Variants in KIF5C observed in about 807,000 individuals in gnomAD.
The protein encoded by KIF5C is kinesin family member 5C.
Under a neutral mutation model 125.2 loss-of-function variants are expected in KIF5C, and 18 were observed. That is an observed-to-expected ratio of 0.14 (90% CI 0.10 to 0.21). The LOEUF is 0.21. Ranked by LOEUF, KIF5C falls within the 10% of genes least tolerant of loss-of-function variation. The pLI is 1.00. For missense variants in KIF5C, 780 were observed against 1,183.8 expected, an observed-to-expected ratio of 0.66 and a Z score of 5.01; for synonymous variants, 405 against 434.0, an observed-to-expected ratio of 0.93 and a Z score of 0.83.
chr2:148,984,681 C>G (rs1044904297), intron 15 of KIF5C, among the ~76,000 whole-genome samples: 1 of 152,168 alleles, frequency 6.6e-6, no homozygotes, highest in Admixed American at 6.5e-5. Flanking sequence ...CATGACCACT[C>G]CACATTTCTG....
chr2:148,943,865 C>A (rs1294148606), intron 7 of KIF5C, among the ~76,000 whole-genome samples: 1 of 152,188 alleles, frequency 6.6e-6, no homozygotes, highest in East Asian at 1.9e-4. Context: ...AGATGATATT[C>A]ATGTATATAG....
intron 10 of KIF5C, among the ~76,000 whole-genome samples, chr2:148,958,636 C>T (rs1335552156): frequency 2.6e-5 from 4 of 152,072 alleles, no homozygotes; most frequent in Non-Finnish European, 2.9e-5. Flanking sequence ...CTAATGAAGA[C>T]AAGTTTTTAA....
chr2:149,016,935 G>A (rs781278185), intron 25 of KIF5C, among the ~76,000 whole-genome samples: 17 of 152,146 alleles, frequency 1.1e-4, no homozygotes, highest in Admixed American at 5.9e-4. Flanking sequence ...AGGGGCCTGA[G>A]GATCATGTGG....
At chr2:149,018,074 A>T (rs1274761155) in intron 25 of KIF5C, among the ~76,000 whole-genome samples, 2 of 152,138 alleles carry the variant, frequency 1.3e-5, no homozygotes, top group Non-Finnish European at 2.9e-5. Context: ...GGATGGCTTG[A>T]GCTCAGGAGT....
At chr2:148,966,119 A>G (rs1683043283) in intron 11 of KIF5C, among the ~76,000 whole-genome samples, 1 of 152,156 alleles carries the variant, frequency 6.6e-6, no homozygotes, top group East Asian at 1.9e-4. Context: ...TGACACGCAC[A>G]TTGGTTCTAA....
intron 1 of KIF5C, among the ~76,000 whole-genome samples, chr2:148,916,637 CT>C (rs78047469): frequency 0.031 from 4,608 of 146,986 alleles, 95 homozygotes; most frequent in Middle Eastern, 0.051. Context: ...TGGTCACCAA[CT>C]TTTTTTTTTT....
At chr2:148,890,467 C>T (rs763378663) in intron 1 of KIF5C, among the ~76,000 whole-genome samples, 37 of 151,978 alleles carry the variant, frequency 2.4e-4, no homozygotes, top group Non-Finnish European at 2.6e-4. Flanking sequence ...CACCACTGCA[C>T]TCCAGCCTGG....
intron 18 of KIF5C, 83 bp from the exon 19 acceptor site, chr2:148,998,317 G>A (rs898794204): frequency 3.9e-6 from 6 of 1,536,350 alleles, no homozygotes; most frequent in Non-Finnish European, 5.3e-6. Context: ...CAGGGAAGGA[G>A]GTAGGTCCAG....
chr2:148,927,486 GT>G (rs1682048781), intron 2 of KIF5C, among the ~76,000 whole-genome samples: 2 of 53,552 alleles, frequency 3.7e-5, no homozygotes, highest in South Asian at 3.9e-4. Flanking sequence ...CCCTTTCAGG[GT>G]GTGTGTGTGT....
At chr2:148,957,091 T>G (rs1222298570) in intron 10 of KIF5C, among the ~76,000 whole-genome samples, 1 of 152,246 alleles carries the variant, frequency 6.6e-6, no homozygotes, top group South Asian at 2.1e-4. Flanking sequence ...AAACCTGCCT[T>G]AAGAGCACTT....
In KIF5C at chr2:148,892,788, A is replaced by G. The variant is rs72866020; in HGVS notation, c.126+17045A>G. Among the ~76,000 whole-genome samples the G allele has an allele frequency of 1.9e-3, 293 of 152,342 alleles. 1 individual carries two copies. Among genetic ancestry groups the G allele is most frequent in the Non-Finnish European group, 2.6e-3 (180 of 68,030 alleles). The stretch of plus-strand genomic sequence containing the variant: ...ATCTCTATTCTTCTCTGTCTTAAAA[A>G]TGGAGAGATTTATGTCTGCTTCTTA... On this transcript the variant is annotated intron_variant, in intron 1 of 25. Transcript: ENST00000435030.
At position 148,893,712 on chromosome 2, in the gene KIF5C, C is replaced by T. The variant is rs186198084; in HGVS notation, c.126+17969C>T. ...TTTTCATATTCTCAACACATGATTC[C>T]GAATGGGTACACATAATACATGATA... is the stretch of plus-strand genomic sequence containing the variant. On this transcript the variant is annotated intron_variant, in intron 1 of 25. Coordinates refer to ENST00000435030, the MANE Select transcript of KIF5C (RefSeq NM_004522.3). Among the ~76,000 whole-genome samples, 4 of 152,264 alleles carry T rather than the reference C, an allele frequency of 2.6e-5. No individual in the cohort carries two copies. The South Asian group carries it at 6.2e-4, about 24-fold the overall frequency.
intron 1 of KIF5C, among the ~76,000 whole-genome samples, chr2:148,914,094 A>C (rs573391222): frequency 6.8e-4 from 103 of 152,338 alleles, no homozygotes; most frequent in African/African-American, 2.3e-3. Context: ...AGAACTATTC[A>C]ACCTTTGACT....
rs1682390101 is a variant in KIF5C at position 148,940,739 on chromosome 2, C to T, written c.397-871C>T. On this transcript the variant is annotated intron_variant, in intron 4 of 25. Coordinates refer to ENST00000435030, the MANE Select transcript of KIF5C (RefSeq NM_004522.3). ...AGCAGATGTAAACAGAGTACAGAAT[C>T]CTAGAGGGGGATTTTTGACATCGTA... Among the ~76,000 whole-genome samples, 3 of 152,128 alleles carry T rather than the reference C, an allele frequency of 2.0e-5. No homozygotes were observed. The South Asian group carries it at 6.2e-4, about 32-fold the overall frequency.
At chr2:148,900,105 T>G (rs1029790409) in intron 1 of KIF5C, among the ~76,000 whole-genome samples, 3 of 152,156 alleles carry the variant, frequency 2.0e-5, no homozygotes, top group African/African-American at 7.2e-5. Context: ...CTTGGAAAGC[T>G]ATTTTGCTGA....
At chr2:148,909,542 C>T (rs1259826805) in intron 1 of KIF5C, among the ~76,000 whole-genome samples, 1 of 152,218 alleles carries the variant, frequency 6.6e-6, no homozygotes, top group Admixed American at 6.5e-5. Flanking sequence ...ATGGAGGATT[C>T]TCAGTCAATA....
intron 10 of KIF5C, among the ~76,000 whole-genome samples, chr2:148,953,689 C>A (rs746721080): frequency 6.6e-6 from 1 of 152,076 alleles, no homozygotes; most frequent in East Asian, 1.9e-4. Context: ...CTTTCAAGGA[C>A]GTGAAGAGAG....
chr2:148,927,504 G>C (rs1313537272), intron 2 of KIF5C, among the ~76,000 whole-genome samples: 1 of 152,084 alleles, frequency 6.6e-6, no homozygotes, highest in Non-Finnish European at 1.5e-5. Context: ...GTGTGTGTGT[G>C]TGTGTGTATA....
intron 1 of KIF5C, among the ~76,000 whole-genome samples, chr2:148,914,126 G>C (rs1015506848): frequency 6.6e-6 from 1 of 152,222 alleles, no homozygotes; most frequent in Non-Finnish European, 1.5e-5. Context: ...AAGAGGCTTA[G>C]AAAATATAGG....
Sources: allele counts gnomAD v4.1 joint callset (sites outside exome capture counted in the v4.1 genomes callset), GRCh38; gene constraint gnomAD v4.1.1; transcripts MANE v1.5; gene names NCBI Gene and HGNC (gene_info 2026-07-23, HGNC 2026-07-21).